Variants in MTSS2 observed in about 807,000 individuals in gnomAD.
The protein encoded by MTSS2 is protein MTSS 2.
MTSS2 carries 27 observed loss-of-function variants against 67.1 expected under a neutral mutation model. The ratio of observed to expected loss-of-function variants is 0.40; its 90% CI spans 0.30 to 0.55. The LOEUF is 0.55. Ranked by LOEUF, MTSS2 falls within the 20% of genes least tolerant of loss-of-function variation. The probability of loss-of-function intolerance (pLI) is 0.43; values close to 1 mark genes in which losing one functional copy is unlikely to be tolerated. For missense variants in MTSS2, 1,171 were observed against 1,067.8 expected (o/e 1.10, Z -1.35); for synonymous variants, 624 against 468.6 (o/e 1.33, Z -4.28).
chr16:70,664,571 G>C (rs1269903192), intron 14 of MTSS2, 27 bp downstream of exon 14: 2 of 1,606,576 alleles, frequency 1.2e-6, no homozygotes, highest in African/African-American at 2.7e-5. Flanking sequence ...AGCTGTCCCT[G>C]GTCCCACCCC....
At chr16:70,677,340 A>G (rs567031950) in intron 9 of MTSS2, among the ~76,000 whole-genome samples, 2 of 152,310 alleles carry the variant, frequency 1.3e-5, no homozygotes, top group East Asian at 3.9e-4. Flanking sequence ...CTGGGCATGC[A>G]ACAAGTGCCT....
chr16:70,673,440 C>A (rs962461040), intron 11 of MTSS2, among the ~76,000 whole-genome samples: 2 of 152,010 alleles, frequency 1.3e-5, no homozygotes, highest in African/African-American at 4.8e-5. Flanking sequence ...CAACTGTCAC[C>A]CCAGAATAGT....
chr16:70,662,031 GACTT>G lies in MTSS2; in HGVS notation c.*1642_*1645del, dbSNP rs368087882. The G allele has an allele frequency of 2.6e-3, 403 of 152,682 alleles. No individual in the cohort carries two copies. The highest frequency in any genetic ancestry group is 4.5e-3 in the Non-Finnish European group (309 of 68,384). The allele number at this position is 152,682 out of a possible 1,614,324, so 9.5% of individuals were successfully genotyped here. A position where few individuals can be genotyped will look rare whatever the true frequency, so the allele number is the denominator to read the frequency against. ...CGGCCAGGCAGTTGTTGAACCTAGT[GACTT>G]ACTTACAGGGACCATTCTTCATCAG... is the stretch of plus-strand genomic sequence containing the variant. On this transcript the variant is annotated 3_prime_UTR_variant, in exon 15 of 15. Coordinates refer to ENST00000338779, the MANE Select transcript of MTSS2 (RefSeq NM_138383.3).
At chr16:70,671,773 G>A (rs1355877745) in intron 11 of MTSS2, among the ~76,000 whole-genome samples, 1 of 152,140 alleles carries the variant, frequency 6.6e-6, no homozygotes, top group Non-Finnish European at 1.5e-5. Context: ...CCTTAACTAA[G>A]GATCAAGGTG....
chr16:70,668,763 C>T (rs2052814913), intron 11 of MTSS2, among the ~76,000 whole-genome samples: 1 of 152,178 alleles, frequency 6.6e-6, no homozygotes, highest in Non-Finnish European at 1.5e-5. Flanking sequence ...ACTGAGGACA[C>T]AGCAAGAAGG....
At chr16:70,673,682 A>T (rs181452496) in intron 11 of MTSS2, among the ~76,000 whole-genome samples, 441 of 152,306 alleles carry the variant, frequency 2.9e-3, no homozygotes, top group Non-Finnish European at 4.6e-3. Flanking sequence ...TGTATGTATA[A>T]AATAAAGAAA....
At position 70,661,328 on chromosome 16, in the gene MTSS2, C is replaced by A; in HGVS notation, c.*2349G>T. The A allele has an allele frequency of 2.3e-6, 1 of 432,102 alleles. No individual in the cohort carries two copies. 26.8% of individuals were successfully genotyped at this position (432,102 alleles called of 1,614,324 possible). On this transcript the variant is annotated 3_prime_UTR_variant, in exon 15 of 15. Transcript: ENST00000338779. ...GGGCGGGGAGGAGAGGAGAATTTTT[C>A]CAAAATCTGACGGAAAGAAAAGAAA...
chr16:70,681,556 A>G (rs2053305904), intron 1 of MTSS2, among the ~76,000 whole-genome samples: 1 of 152,242 alleles, frequency 6.6e-6, no homozygotes, highest in Admixed American at 6.5e-5. Context: ...GGAAGCTGCC[A>G]TCCCAGGCCA....
At chr16:70,673,390 G>A (rs907359396) in intron 11 of MTSS2, among the ~76,000 whole-genome samples, 1 of 152,170 alleles carries the variant, frequency 6.6e-6, no homozygotes, top group Admixed American at 6.5e-5. Flanking sequence ...GTGGAAGCCA[G>A]AACACAGCGG....
At chr16:70,677,755 C>A (rs1567501746) in intron 9 of MTSS2, 37 bp downstream of exon 9, 3 of 1,534,450 alleles carry the variant, frequency 2.0e-6, no homozygotes, top group Non-Finnish European at 8.9e-7. Flanking sequence ...CTCCTCCCTG[C>A]CCCTGGCCCT....
intron 11 of MTSS2, among the ~76,000 whole-genome samples, chr16:70,669,997 GTGGTGGCTCAT>G (rs2052871277): frequency 6.6e-6 from 1 of 151,766 alleles, no homozygotes; most frequent in Non-Finnish European, 1.5e-5. Context: ...TTGGCCAGGT[GTGGTGGCTCAT>G]GCCTGTAATC....
intron 11 of MTSS2, among the ~76,000 whole-genome samples, chr16:70,667,174 G>C (rs1202436894): frequency 1.3e-5 from 2 of 150,710 alleles, no homozygotes; most frequent in Admixed American, 1.3e-4. Context: ...AGGAAGCTGA[G>C]GCAGGAGGAT....
In MTSS2 at chr16:70,679,781, C is replaced by G; in HGVS notation, c.382+5G>C. ...GTGGGAAGCCCGGCTCCGCGCCACCCTCACCTTTCGCGTGGTCCTTGTCCA... is the reference window on the plus strand; with the variant it reads ...GTGGGAAGCCCGGCTCCGCGCCACCGTCACCTTTCGCGTGGTCCTTGTCCA... On this transcript the variant is annotated splice_donor_5th_base_variant and intron_variant, in intron 5 of 14. Coordinates refer to ENST00000338779, the MANE Select transcript of MTSS2 (RefSeq NM_138383.3). The G allele has an allele frequency of 6.2e-7, 1 of 1,611,724 alleles. No homozygotes were observed. The highest frequency in any genetic ancestry group is 8.5e-7 in the Non-Finnish European group (1 of 1,179,524).
At chr16:70,665,273 C>G (rs2052668110) in intron 12 of MTSS2, 177 bp from the exon 13 acceptor site, 1 of 933,618 alleles carries the variant, frequency 1.1e-6, no homozygotes. Context: ...CCACCAGGCC[C>G]AGGGGTAAGA....
Position 70,677,915 on chromosome 16 carries a change from G to C in MTSS2, c.625-16C>G. 6.4e-7 allele frequency: 1 copy of C among 1,563,812 alleles called. No homozygotes were observed. Among genetic ancestry groups the C allele is most frequent in the Non-Finnish European group, 8.7e-7 (1 of 1,152,440 alleles). On this transcript the variant is annotated splice_polypyrimidine_tract_variant and intron_variant, in intron 8 of 14. Coordinates refer to ENST00000338779, the MANE Select transcript of MTSS2 (RefSeq NM_138383.3). ...GCTCTCCATTCTGAGGAAGCAGCGA[G>C]TCAGACCTGCTGGCCCTATCGCCCA...
At chr16:70,679,560 G>A (rs2053229609) in intron 6 of MTSS2, 70 bp downstream of exon 6, 2 of 1,474,576 alleles carry the variant, frequency 1.4e-6, no homozygotes, top group African/African-American at 1.4e-5. Flanking sequence ...GCTTTGGGGC[G>A]CCCCACGGGG....
At chr16:70,673,380 GT>G (rs2053005698) in intron 11 of MTSS2, among the ~76,000 whole-genome samples, 1 of 152,150 alleles carries the variant, frequency 6.6e-6, no homozygotes, top group Non-Finnish European at 1.5e-5. Flanking sequence ...CCAACCAATG[GT>G]GGAAGCCAGA....
chr16:70,685,058 G>C (rs972422500), intron 1 of MTSS2, among the ~76,000 whole-genome samples: 5 of 152,126 alleles, frequency 3.3e-5, no homozygotes, highest in Admixed American at 6.5e-5. Context: ...GTGGTAATGG[G>C]GTAGGAAAAG....
Position 70,681,038 on chromosome 16 carries a change from T to C in MTSS2, c.70-13A>G. Reference sequence around the variant, plus strand: ...TAGGGTAGGAGCTCTGCCGGGCAAATGGGAGAGAAAGTGAGCTTCTTGTGG... The same window carrying C: ...TAGGGTAGGAGCTCTGCCGGGCAAACGGGAGAGAAAGTGAGCTTCTTGTGG... On this transcript the variant is annotated splice_polypyrimidine_tract_variant and intron_variant, in intron 1 of 14. Coordinates refer to ENST00000338779, the MANE Select transcript of MTSS2 (RefSeq NM_138383.3). The C allele has an allele frequency of 6.2e-7, 1 of 1,605,874 alleles. No homozygotes were observed. Among genetic ancestry groups the C allele is most frequent in the African/African-American group, 1.3e-5 (1 of 74,932 alleles).
Sources: gnomAD v4.1 joint callset for allele counts (sites outside exome capture counted in the v4.1 genomes callset) on GRCh38, gnomAD v4.1.1 for gene constraint, MANE v1.5 for transcripts, NCBI Gene and HGNC (gene_info 2026-07-23, HGNC 2026-07-21) for gene names.